The following NAV2 variants were observed in gnomAD, a reference collection of about 807,000 sequenced individuals.
NAV2 encodes the protein neuron navigator 2.
Under a neutral mutation model 223.2 loss-of-function variants are expected in NAV2, and 54 were observed. That is an observed-to-expected ratio of 0.24 (90% CI 0.19 to 0.30). NAV2 has a LOEUF of 0.30. Among genes scored for constraint, NAV2 ranks in the 10% least tolerant of loss-of-function variants. The pLI, the probability that NAV2 is intolerant of heterozygous loss-of-function variation, is 1.00. For missense variants in NAV2, 2,806 were observed against 3,147.5 expected (o/e 0.89, Z 2.60); for synonymous variants, 1,279 against 1,239.3 (o/e 1.03, Z -0.67).
At chr11:19,859,882 C>T (rs2061608689) in intron 3 of NAV2, among the ~76,000 whole-genome samples, 1 of 136,936 alleles carries the variant, frequency 7.3e-6, no homozygotes, top group Non-Finnish European at 1.6e-5. Context: ...ACCCCCCCAC[C>T]TCCCTCCCGG....
rs543258186 is a variant in NAV2 at position 19,519,999 on chromosome 11, A to C, written c.75+168972A>C. On this transcript the variant is annotated intron_variant, in intron 1 of 37. Coordinates refer to the NAV2 transcript ENST00000360655. ...AGATTAGATTAACTAAGCAAGACGG[A>C]AGCATTTGGAGGGATAACTCTTTCT... The C allele has an allele frequency of 5.3e-5, 8 of 152,324 alleles. No homozygotes were observed. In the South Asian group the frequency reaches 1.7e-3, roughly 32 times the overall value. 9.4% of individuals were successfully genotyped at this position (152,324 alleles called of 1,614,324 possible).
intron 2 of NAV2, among the ~76,000 whole-genome samples, chr11:19,841,604 G>C (rs762612487): frequency 1.4e-4 from 21 of 152,292 alleles, no homozygotes; most frequent in Non-Finnish European, 2.1e-4. Flanking sequence ...TTATGTATTG[G>C]ATGATTAAGA....
chr11:19,980,030 A>G (rs2050158819), intron 10 of NAV2, among the ~76,000 whole-genome samples: 1 of 152,224 alleles, frequency 6.6e-6, no homozygotes, highest in Non-Finnish European at 1.5e-5. Flanking sequence ...ATTAGTGCTT[A>G]CTAACAATGA....
At position 19,934,223 on chromosome 11, in the gene NAV2, C is replaced by T. The variant is rs770850079; in HGVS notation, c.1979C>T (p.Pro660Leu). The T allele has an allele frequency of 6.8e-6, 11 of 1,612,190 alleles. No individual in the cohort carries two copies. In the East Asian group the frequency reaches 1.3e-4, roughly 20 times the overall value. ...SNTVSVQLPQPQQQYNHPNTA... is the reference protein window; with the variant it reads ...SNTVSVQLPQLQQQYNHPNTA... ...ACCGTCAGTGTTCAGCTACCTCAGC[C>T]CCAGCAGCAATACAACCATCCCAAC... is the stretch of plus-strand genomic sequence containing the variant. The change falls in exon 7 of 38, where the codon CCC becomes CTC. Residue 660 changes from proline to leucine, a missense_variant. Pro to Leu is a moderately conservative substitution (Grantham distance 98, BLOSUM62 -3). Transcript: ENST00000349880.
intron 1 of NAV2, among the ~76,000 whole-genome samples, chr11:19,785,647 C>CA (rs2057052559): frequency 7.0e-6 from 1 of 141,858 alleles, no homozygotes. Flanking sequence ...CGTCAGCTGG[C>CA]TTTTTTTTTT....
At chr11:19,409,515 G>A (rs1850049547) in intron 1 of NAV2, among the ~76,000 whole-genome samples, 1 of 152,118 alleles carries the variant, frequency 6.6e-6, no homozygotes, top group Non-Finnish European at 1.5e-5. Context: ...GCCTTGGCAA[G>A]GTTGAGAGGG....
intron 1 of NAV2, among the ~76,000 whole-genome samples, chr11:19,516,345 C>T (rs1346265368): frequency 6.6e-6 from 1 of 152,194 alleles, no homozygotes; most frequent in Non-Finnish European, 1.5e-5. Flanking sequence ...CCTAACAACT[C>T]CCACCCCCAA....
intron 1 of NAV2, among the ~76,000 whole-genome samples, chr11:19,625,424 T>C (rs2047139284): frequency 6.6e-6 from 1 of 152,266 alleles, no homozygotes. Flanking sequence ...CCATGTTGTA[T>C]ATATACCACA....
intron 12 of NAV2, among the ~76,000 whole-genome samples, chr11:20,038,417 A>G (rs543545413): frequency 8.5e-5 from 13 of 152,350 alleles, no homozygotes; most frequent in African/African-American, 3.1e-4. Context: ...CTAAATGCAG[A>G]TTACACCAAT....
intron 1 of NAV2, among the ~76,000 whole-genome samples, chr11:19,422,839 A>T (rs557632098): frequency 6.6e-6 from 1 of 152,230 alleles, no homozygotes; most frequent in South Asian, 2.1e-4. Flanking sequence ...TCATTGATCC[A>T]TTGATTCAAG....
chr11:19,819,356 A>G (rs11025271), intron 1 of NAV2, among the ~76,000 whole-genome samples: 37,067 of 152,030 alleles, frequency 0.24, 5,230 homozygotes, highest in East Asian at 0.32. Context: ...GGCATTTCCT[A>G]GGTGGTGGGG....
chr11:19,574,509 G>A (rs2045516499), intron 1 of NAV2, among the ~76,000 whole-genome samples: 1 of 152,150 alleles, frequency 6.6e-6, no homozygotes, highest in South Asian at 2.1e-4. Flanking sequence ...GTGGGCTCAT[G>A]GGTAATGAGC....
intron 1 of NAV2, among the ~76,000 whole-genome samples, chr11:19,440,742 A>G (rs1851372432): frequency 2.0e-5 from 3 of 152,222 alleles, no homozygotes; most frequent in Admixed American, 1.3e-4. Context: ...GGCATCGACT[A>G]GGCATTCAGT....
chr11:19,615,695 C>T (rs953429567), intron 1 of NAV2, among the ~76,000 whole-genome samples: 4 of 152,040 alleles, frequency 2.6e-5, no homozygotes, highest in Non-Finnish European at 4.4e-5. Context: ...TTGAAGATGG[C>T]GATGAAATGA....
At position 19,939,714 on chromosome 11, in the gene NAV2, T is replaced by C; in HGVS notation, c.2087T>C (p.Val696Ala). 6.2e-7 allele frequency: 1 copy of C among 1,614,130 alleles called. No individual in the cohort carries two copies. The highest frequency in any genetic ancestry group is 8.5e-7 in the Non-Finnish European group (1 of 1,180,006). Residue 696 changes from valine to alanine, a missense_variant, in exon 8 of 38, where the codon GTG becomes GCG. Transcript: ENST00000349880. ...NVTAESSSTG[V>A]SVEPSHFTKT... Reference sequence around the variant, plus strand: ...ACTGCCGAGTCAAGCTCAACAGGTGTGAGCGTGGAGCCCAGCCACTTCACC... The same window carrying C: ...ACTGCCGAGTCAAGCTCAACAGGTGCGAGCGTGGAGCCCAGCCACTTCACC...
At chr11:19,723,747 C>T (rs756818913) in intron 1 of NAV2, among the ~76,000 whole-genome samples, 2 of 152,228 alleles carry the variant, frequency 1.3e-5, no homozygotes, top group African/African-American at 2.4e-5. Context: ...CCCGTGCTGC[C>T]GGCCCAGCAG....
chr11:19,832,148 AT>A (rs2059980887), intron 1 of NAV2, among the ~76,000 whole-genome samples: 1 of 152,206 alleles, frequency 6.6e-6, no homozygotes, highest in Non-Finnish European at 1.5e-5. Flanking sequence ...CTTTGCTTGC[AT>A]CTAGAGTCGC....
intron 1 of NAV2, among the ~76,000 whole-genome samples, chr11:19,359,750 G>A (rs1194471121): frequency 6.6e-6 from 1 of 152,204 alleles, no homozygotes; most frequent in African/African-American, 2.4e-5. Context: ...CGCTAATTAA[G>A]GTTGTTCCTT....
At chr11:19,629,774 A>G (rs1230773063) in intron 1 of NAV2, among the ~76,000 whole-genome samples, 2 of 152,096 alleles carry the variant, frequency 1.3e-5, no homozygotes, top group Non-Finnish European at 2.9e-5. Context: ...AAGGGCACCA[A>G]TGTATTTACT....
Sources: gnomAD v4.1 joint callset for allele counts (sites outside exome capture counted in the v4.1 genomes callset) on GRCh38, gnomAD v4.1.1 for gene constraint, MANE v1.5 for transcripts, NCBI Gene and HGNC (gene_info 2026-07-23, HGNC 2026-07-21) for gene names.